Variants in MTMR8 observed in about 807,000 individuals in gnomAD.
MTMR8 encodes phosphatidylinositol-3,5-bisphosphate 3-phosphatase MTMR8.
Under a neutral mutation model 39.3 loss-of-function variants are expected in MTMR8, and 65 were observed. That is an observed-to-expected ratio of 1.65 (90% confidence interval 1.35 to 2.03). The LOEUF is 2.03. Ranked by LOEUF, MTMR8 falls within the 30% of genes most tolerant of loss-of-function variation. The probability of loss-of-function intolerance (pLI) is 0.00; values close to 1 mark genes in which losing one functional copy is unlikely to be tolerated. For synonymous variants in MTMR8, 245 were observed against 185.2 expected (o/e 1.32, Z -2.62); for missense variants, 777 against 538.9 (o/e 1.44, Z -4.37).
chrX:64,323,020 G>A, intron 12 of MTMR8, among the ~76,000 whole-genome samples: 1 of 112,878 alleles, frequency 8.9e-6, no homozygotes, highest in Admixed American at 9.3e-5. Flanking sequence ...TCACTAGCCA[G>A]GCATGTTGCT....
chrX:64,350,085 G>A lies in MTMR8; in HGVS notation c.469-15C>T. 4 of 1,000,902 alleles carry A rather than the reference G, an allele frequency of 4.0e-6. No individual in the cohort carries two copies. The South Asian group carries it at 8.8e-5, about 22-fold the overall frequency. The allele number at this position is 1,000,902 out of a possible 1,213,427, so 82.5% of individuals were successfully genotyped here. On this transcript the variant is annotated splice_polypyrimidine_tract_variant and intron_variant, in intron 4 of 13. Coordinates refer to ENST00000374852, the MANE Select transcript of MTMR8 (RefSeq NM_017677.4). ...GTGCTGCATATCTAAAAGAAAATAAGCACAATATATATAAATATATATTTA... is the reference window on the plus strand; with the variant it reads ...GTGCTGCATATCTAAAAGAAAATAAACACAATATATATAAATATATATTTA...
intron 8 of MTMR8, among the ~76,000 whole-genome samples, chrX:64,339,410 G>A (rs1165708828): frequency 9.0e-6 from 1 of 111,492 alleles, no homozygotes. Context: ...AGACTAACAA[G>A]TGACTCTTAG....
chrX:64,295,600 C>G, intron 12 of MTMR8, among the ~76,000 whole-genome samples: 1 of 111,193 alleles, frequency 9.0e-6, no homozygotes, highest in Non-Finnish European at 1.9e-5. Context: ...ATAGAGAATT[C>G]CTAAAACTCA....
intron 12 of MTMR8, among the ~76,000 whole-genome samples, chrX:64,288,569 A>T (rs977133338): frequency 1.8e-5 from 2 of 111,678 alleles, no homozygotes; most frequent in Non-Finnish European, 3.8e-5. Flanking sequence ...ACATGCAAAC[A>T]TATGTTTATT....
At chrX:64,308,922 G>C (rs1922212049) in intron 12 of MTMR8, among the ~76,000 whole-genome samples, 1 of 111,722 alleles carries the variant, frequency 9.0e-6, no homozygotes, top group Non-Finnish European at 1.9e-5. Context: ...ATTTCTGTGG[G>C]TCAATTTCTG....
In MTMR8 at chrX:64,270,962, C is replaced by G. The variant is rs1282095688; in HGVS notation, c.1593G>C (p.Val531=). 1 of 1,207,371 alleles carries G rather than the reference C, an allele frequency of 8.3e-7. No individual in the cohort carries two copies. Among genetic ancestry groups the G allele is most frequent in the Admixed American group, 2.2e-5 (1 of 45,391 alleles). The part of the protein sequence containing the change: ...KKQRAMLETD[V]HELEKKLKVR... Reference sequence around the variant, plus strand: ...TTCTCCTCACCTTTTCTAGTTCATGCACATCTGTCTCCAGCATTGCTCTCT... The same window carrying G: ...TTCTCCTCACCTTTTCTAGTTCATGGACATCTGTCTCCAGCATTGCTCTCT... The change falls in exon 13 of 14, where the codon GTG becomes GTC. Residue 531 remains valine, a synonymous_variant. Coordinates refer to ENST00000374852, the MANE Select transcript of MTMR8 (RefSeq NM_017677.4).
chrX:64,271,459 C>T (rs1373817684), intron 12 of MTMR8, among the ~76,000 whole-genome samples: 5 of 112,224 alleles, frequency 4.5e-5, no homozygotes, highest in African/African-American at 1.3e-4. Context: ...GATTTAATTG[C>T]AACACAAGGA....
At chrX:64,359,061 G>C (rs770354148) in intron 2 of MTMR8, among the ~76,000 whole-genome samples, 8 of 110,937 alleles carry the variant, frequency 7.2e-5, no homozygotes, top group African/African-American at 2.6e-4. Context: ...GATGCTGCTG[G>C]TTCTTGAACT....
intron 12 of MTMR8, among the ~76,000 whole-genome samples, chrX:64,286,968 T>C (rs1368334253): frequency 9.0e-6 from 1 of 111,223 alleles, no homozygotes; most frequent in Admixed American, 9.6e-5. Flanking sequence ...GCCAGGGCAA[T>C]CAGGCAGAAG....
At chrX:64,269,170 C>G (rs1931700345) in intron 13 of MTMR8, 127 bp from the exon 14 acceptor site, 1 of 635,832 alleles carries the variant, frequency 1.6e-6, no homozygotes, top group Admixed American at 3.7e-5. Context: ...TTTTGCTCAC[C>G]CCCTCCCCCA....
chrX:64,316,553 C>A (rs1922470713), intron 12 of MTMR8, among the ~76,000 whole-genome samples: 1 of 110,798 alleles, frequency 9.0e-6, no homozygotes, highest in African/African-American at 3.3e-5. Flanking sequence ...GAGGCTGAGG[C>A]AGGAGGATCA....
intron 1 of MTMR8, among the ~76,000 whole-genome samples, chrX:64,373,785 C>G (rs1229596152): frequency 9.0e-6 from 1 of 111,026 alleles, no homozygotes; most frequent in Admixed American, 9.6e-5. Flanking sequence ...TCTAAGCACA[C>G]CACATTCTCT....
At chrX:64,270,162 T>TA (rs768217307) in intron 13 of MTMR8, among the ~76,000 whole-genome samples, 11 of 110,717 alleles carry the variant, frequency 9.9e-5, no homozygotes, top group Middle Eastern at 9.2e-3. Flanking sequence ...CCTCCACCTT[T>TA]AAAAAAAATG....
At chrX:64,382,977 C>G (rs746810384) in intron 1 of MTMR8, among the ~76,000 whole-genome samples, 9 of 110,867 alleles carry the variant, frequency 8.1e-5, no homozygotes, top group Non-Finnish European at 1.7e-4. Flanking sequence ...CATTCATCCT[C>G]TTATTTTCCA....
At chrX:64,350,259 C>T (rs918233605) in intron 4 of MTMR8, among the ~76,000 whole-genome samples, 189 bp from the exon 5 acceptor site, 5 of 109,732 alleles carry the variant, frequency 4.6e-5, no homozygotes, top group East Asian at 2.9e-4. Flanking sequence ...TTTTAAAGGC[C>T]GTCCAGATAT....
At chrX:64,311,707 A>C (rs1213297961) in intron 12 of MTMR8, among the ~76,000 whole-genome samples, 1 of 109,568 alleles carries the variant, frequency 9.1e-6, no homozygotes, top group Non-Finnish European at 1.9e-5. Flanking sequence ...TCAGCTTTCT[A>C]CATATGGCTA....
At chrX:64,304,930 A>ATATATATG (rs1922043442) in intron 12 of MTMR8, 16 of 88,261 alleles carry the variant, frequency 1.8e-4, no homozygotes, top group African/African-American at 5.7e-4. Context: ...ATATATACAC[A>ATATATATG]TATACACACA....
intron 2 of MTMR8, among the ~76,000 whole-genome samples, chrX:64,357,562 G>A (rs1458646785): frequency 9.0e-6 from 1 of 111,049 alleles, no homozygotes; most frequent in African/African-American, 3.3e-5. Context: ...GAGTAAGCTA[G>A]GAATACAGTT....
At chrX:64,380,165 C>T (rs1177537660) in intron 1 of MTMR8, among the ~76,000 whole-genome samples, 2 of 112,417 alleles carry the variant, frequency 1.8e-5, no homozygotes, top group African/African-American at 6.5e-5. Flanking sequence ...ACTATGCCTG[C>T]CACTGAGGTT....
Sources: gnomAD v4.1 joint callset for allele counts (sites outside exome capture counted in the v4.1 genomes callset) on GRCh38, gnomAD v4.1.1 for gene constraint, MANE v1.5 for transcripts, NCBI Gene and HGNC (gene_info 2026-07-23, HGNC 2026-07-21) for gene names.